The following SIM2 variants were observed in gnomAD, a reference collection of about 807,000 sequenced individuals.
SIM2 encodes SIM bHLH transcription factor 2, also known as single-minded homolog 2.
Under a neutral mutation model 64.8 loss-of-function variants are expected in SIM2, and 28 were observed. The observed-to-expected ratio is 0.43, with a 90% CI of 0.32 to 0.59. The LOEUF is 0.59. SIM2 is among the 20% of genes least tolerant of loss of function. The pLI, the probability that SIM2 is intolerant of heterozygous loss-of-function variation, is 0.07. For synonymous variants in SIM2, 408 were observed against 391.1 expected (o/e 1.04, Z -0.51); for missense variants, 847 against 871.4 (o/e 0.97, Z 0.35).
At chr21:36,741,637 C>G in intron 7 of SIM2, 80 bp from the exon 8 acceptor site, 1 of 1,526,196 alleles carries the variant, frequency 6.6e-7, no homozygotes, top group South Asian at 1.2e-5. Context: ...GTCCTTGGGA[C>G]AGAGGTCACC....
At chr21:36,713,825 ACT>A (rs1156466481) in intron 3 of SIM2, among the ~76,000 whole-genome samples, 1 of 152,168 alleles carries the variant, frequency 6.6e-6, no homozygotes, top group Non-Finnish European at 1.5e-5. Context: ...GGTTTATGTA[ACT>A]CTGTGTTTCT....
At position 36,749,678 on chromosome 21, in the gene SIM2, G is replaced by A. The variant is rs561170976; in HGVS notation, c.*1586G>A. 6.6e-6 allele frequency: 1 copy of A among 152,132 alleles called. No homozygotes were observed. The highest frequency in any genetic ancestry group is 1.5e-5 in the Non-Finnish European group (1 of 68,020). The allele number at this position is 152,132 out of a possible 1,614,324, so 9.4% of individuals were successfully genotyped here. A position where few individuals can be genotyped will look rare whatever the true frequency, so the allele number is the denominator to read the frequency against. ...TGAGTGTGTGCACAGGAAATAAGCC[G>A]AGGGTATTATTTTTTTATGTTCATG... On this transcript the variant is annotated 3_prime_UTR_variant, in exon 11 of 11. Transcript: ENST00000290399.
At position 36,723,103 on chromosome 21, in the gene SIM2, C is replaced by G. The variant is rs139778934; in HGVS notation, c.516C>G (p.Asn172Lys). 6.2e-7 allele frequency: 1 copy of G among 1,613,968 alleles called. No homozygotes were observed. The highest frequency in any genetic ancestry group is 8.5e-7 in the Non-Finnish European group (1 of 1,180,000). ...TGAAATGTGTCTTGGCGAAAAGGAACGCGGGCCTGACCTGCAGCGGATACA... is the reference window on the plus strand; with the variant it reads ...TGAAATGTGTCTTGGCGAAAAGGAAGGCGGGCCTGACCTGCAGCGGATACA... The part of the protein sequence containing the change: ...LRMKCVLAKR[N>K]AGLTCSGYKV... Residue 172 changes from asparagine to lysine, a missense_variant, in exon 5 of 11, where the codon AAC becomes AAG. Asn to Lys is a moderately conservative substitution (Grantham distance 94). Around this residue, in one of 3 missense-constraint regions of SIM2, gnomAD observed 397 missense variants for 439.2 expected, o/e 0.90. Transcript: ENST00000290399.
At chr21:36,729,056 C>T (rs999505364) in intron 6 of SIM2, among the ~76,000 whole-genome samples, 6 of 152,158 alleles carry the variant, frequency 3.9e-5, no homozygotes, top group South Asian at 4.1e-4. Context: ...TGGAAAAAAC[C>T]GGGAGGGCAC....
rs2088832542 is a variant in SIM2, at chr21:36,722,260, A to G, written c.458-785A>G. Among the ~76,000 whole-genome samples the G allele has an allele frequency of 1.3e-5, 2 of 152,290 alleles. 1 individual carries two copies. The highest frequency in any genetic ancestry group is 4.1e-4 in the South Asian group (2 of 4,822). ...ATCTGCAGGGGGAATTGTGGGTAAA[A>G]TATGGCAGCCTCTCCAACTGGGGCA... On this transcript the variant is annotated intron_variant, in intron 4 of 10. Coordinates refer to ENST00000290399, the MANE Select transcript of SIM2 (RefSeq NM_005069.6).
intron 3 of SIM2, among the ~76,000 whole-genome samples, chr21:36,714,040 T>C (rs1028157055): frequency 6.6e-6 from 1 of 152,256 alleles, no homozygotes; most frequent in Non-Finnish European, 1.5e-5. Flanking sequence ...TCCATAATTA[T>C]TAGGTTGATG....
chr21:36,743,572 G>A lies in SIM2; in HGVS notation c.1167+17G>A, dbSNP rs776209803. 2 of 1,609,878 alleles carry A rather than the reference G, an allele frequency of 1.2e-6. No homozygotes were observed. Among genetic ancestry groups the A allele is most frequent in the Non-Finnish European group, 1.7e-6 (2 of 1,177,938 alleles). ...CCCCCACAGGTAACACGCATGTCCTGCAGTTTTGGGGTGCTGACATCTATC... is the reference window on the plus strand; with the variant it reads ...CCCCCACAGGTAACACGCATGTCCTACAGTTTTGGGGTGCTGACATCTATC... On this transcript the variant is annotated intron_variant, in intron 9 of 10. Transcript: ENST00000290399.
Position 36,744,737 on chromosome 21 carries a change from T to C in SIM2, c.1177T>C (p.Ser393Pro), listed in dbSNP as rs774911548. Reference protein sequence around the residue: ...TNPYPPQQYSSFQMDKLECGQ... With the variant: ...TNPYPPQQYSPFQMDKLECGQ... Reference sequence around the variant, plus strand: ...CTTCTTTGCCATGCAGCAATACAGCTCGTTCCAAATGGACAAACTGGAATG... The same window carrying C: ...CTTCTTTGCCATGCAGCAATACAGCCCGTTCCAAATGGACAAACTGGAATG... Residue 393 changes from serine to proline, a missense_variant, in exon 10 of 11, where the codon TCG (serine) becomes CCG (proline). Around this residue, in one of 3 missense-constraint regions of SIM2, gnomAD observed 447 missense variants for 414.6 expected, o/e 1.08. Coordinates refer to ENST00000290399, the MANE Select transcript of SIM2 (RefSeq NM_005069.6). 9.4e-6 allele frequency: 15 copies of C among 1,601,872 alleles called. No homozygotes were observed. Among genetic ancestry groups the C allele is most frequent in the Non-Finnish European group, 1.2e-5 (14 of 1,174,000 alleles).
In SIM2 at chr21:36,744,714, TC is replaced by T; in HGVS notation, c.1168-13del. The T allele has an allele frequency of 6.3e-7, 1 of 1,576,634 alleles. No individual in the cohort carries two copies. Among genetic ancestry groups the T allele is most frequent in the Non-Finnish European group, 8.6e-7 (1 of 1,160,286 alleles). On this transcript the variant is annotated splice_polypyrimidine_tract_variant and intron_variant, in intron 9 of 10. Transcript: ENST00000290399. ...CCCCTCGCTGGCCCTTCATCCATCTTCTTTGCCATGCAGCAATACAGCTCGT... is the reference window on the plus strand; with the variant it reads ...CCCCTCGCTGGCCCTTCATCCATCTTTTTGCCATGCAGCAATACAGCTCGT...
chr21:36,743,120 G>A (rs1211998824), intron 8 of SIM2, among the ~76,000 whole-genome samples: 1 of 152,156 alleles, frequency 6.6e-6, no homozygotes, highest in Admixed American at 6.5e-5. Context: ...CATGGCCCAC[G>A]ACCTCCCCGA....
In SIM2 at chr21:36,744,927, G is replaced by A. The variant is rs753307817; in HGVS notation, c.1367G>A (p.Ser456Asn). Reference protein sequence around the residue: ...HFPLDSHVFSSKKPMLPAKFG... With the variant: ...HFPLDSHVFSNKKPMLPAKFG... ...CCTCTGGACTCTCACGTCTTCAGCA[G>A]CAAAAAGCCAATGTTGCCGGCCAAG... The change falls in exon 10 of 11, where the codon AGC (serine) becomes AAC (asparagine). Residue 456 changes from serine to asparagine, a missense_variant. Transcript: ENST00000290399. 6.2e-7 allele frequency: 1 copy of A among 1,614,232 alleles called. No homozygotes were observed. The highest frequency in any genetic ancestry group is 1.1e-5 in the South Asian group (1 of 91,092).
chr21:36,709,715 C>A, intron 2 of SIM2: 1 of 325,656 alleles, frequency 3.1e-6, no homozygotes, highest in Non-Finnish European at 6.0e-6. Flanking sequence ...ACAATATTAA[C>A]AGGAGCACTT....
At chr21:36,742,499 C>T (rs1363972635) in intron 8 of SIM2, among the ~76,000 whole-genome samples, 1 of 150,926 alleles carries the variant, frequency 6.6e-6, no homozygotes, top group East Asian at 1.9e-4. Flanking sequence ...TTCAAGTGAT[C>T]CTCCCACCTC....
Position 36,726,170 on chromosome 21 carries a change from T to C in SIM2, c.595T>C (p.Ser199Pro). Reference protein sequence around the residue: ...LKIRQYMLDMSLYDSCYQIVG... With the variant: ...LKIRQYMLDMPLYDSCYQIVG... ...GATCAGGCAGTATATGCTGGACATG[T>C]CCCTGTACGACTCCTGCTACCAGAT... Residue 199 changes from serine (S) to proline (P), a missense_variant, in exon 6 of 11, where the codon TCC becomes CCC. Ser to Pro is a moderately conservative substitution (Grantham distance 74, BLOSUM62 -1). This residue lies in a region of SIM2 where 397 missense variants were observed against 439.2 expected (regional missense o/e 0.90). Transcript: ENST00000290399. The surrounding 1 kb of genome is among the most constrained non-coding windows in gnomAD (Gnocchi z 4.5). 2.5e-6 allele frequency: 4 copies of C among 1,614,042 alleles called. No homozygotes were observed. Among genetic ancestry groups the C allele is most frequent in the Non-Finnish European group, 3.4e-6 (4 of 1,180,042 alleles).
chr21:36,728,115 C>T (rs2088916840), intron 6 of SIM2, among the ~76,000 whole-genome samples: 1 of 152,216 alleles, frequency 6.6e-6, no homozygotes, highest in Admixed American at 6.5e-5. Context: ...GGCAGCCAAG[C>T]TGCCCCAGCC....
chr21:36,708,837 G>C (rs1483573586), intron 1 of SIM2, among the ~76,000 whole-genome samples: 3 of 152,252 alleles, frequency 2.0e-5, no homozygotes, highest in Non-Finnish European at 4.4e-5. Flanking sequence ...AAGCAGATTA[G>C]ATTACTTTGT....
chr21:36,709,106 C>T, intron 1 of SIM2, 62 bp from the exon 2 acceptor site: 1 of 1,460,484 alleles, frequency 6.8e-7, no homozygotes, highest in South Asian at 1.3e-5. Flanking sequence ...CGTGACCTGC[C>T]CGGCTCCCAG....
intron 5 of SIM2, among the ~76,000 whole-genome samples, chr21:36,724,607 A>C (rs1601698794): frequency 6.6e-6 from 1 of 152,124 alleles, no homozygotes; most frequent in East Asian, 1.9e-4. Flanking sequence ...TTTTTTTGCC[A>C]CTTATTAACT....
rs756229321 is a variant in SIM2, at chr21:36,743,446, A to G, written c.1058A>G (p.Gln353Arg). ...SLEQVSTAKS[Q>R]DSWRTALSTS... Reference sequence around the variant, plus strand: ...GAGCAGGTGTCCACTGCCAAGTCCCAGGACTCCTGGAGGACCGCCTTGTCT... The same window carrying G: ...GAGCAGGTGTCCACTGCCAAGTCCCGGGACTCCTGGAGGACCGCCTTGTCT... The change falls in exon 9 of 11, where the codon CAG (glutamine) becomes CGG (arginine). Residue 353 changes from glutamine (Q) to arginine (R), a missense_variant. Physicochemically the swap from Gln to Arg is conservative, Grantham distance 43. Coordinates refer to ENST00000290399, the MANE Select transcript of SIM2 (RefSeq NM_005069.6). 6.2e-7 allele frequency: 1 copy of G among 1,614,104 alleles called. No individual in the cohort carries two copies. Among genetic ancestry groups the G allele is most frequent in the South Asian group, 1.1e-5 (1 of 91,082 alleles).
Sources: gnomAD v4.1 joint callset for allele counts (sites outside exome capture counted in the v4.1 genomes callset) on GRCh38, gnomAD v4.1.1 for gene constraint, gnomAD v4.1.1 regional missense constraint, Gnocchi (gnomAD v3.1) non-coding constraint, MANE v1.5 for transcripts, NCBI Gene and HGNC (gene_info 2026-07-23, HGNC 2026-07-21) for gene names.